DUOX1: variants seen among roughly 807,000 people sequenced by gnomAD.
DUOX1 encodes the protein NADPH thyroid oxidase 1.
A neutral mutation model predicts 181.8 loss-of-function variants in DUOX1; 134 were observed. The observed-to-expected ratio is 0.74, with a 90% confidence interval of 0.64 to 0.85. The LOEUF (loss-of-function observed/expected upper bound fraction) is 0.85. Among genes scored for constraint, DUOX1 ranks in the 40% least tolerant of loss-of-function variants. The pLI, the probability that DUOX1 is intolerant of heterozygous loss-of-function variation, is 0.00. For synonymous variants in DUOX1, 798 were observed against 832.5 expected (o/e 0.96, Z 0.71); for missense variants, 1,814 against 2,064.4 (o/e 0.88, Z 2.35).
intron 27 of DUOX1, among the ~76,000 whole-genome samples, chr15:45,155,063 C>T (rs764707064): frequency 2.6e-5 from 4 of 152,248 alleles, no homozygotes; most frequent in Admixed American, 6.5e-5. Flanking sequence ...GATGAGAGTA[C>T]AGCCTGTCAT....
At position 45,136,315 on chromosome 15, in the gene DUOX1, A is replaced by C. The variant is rs200968175; in HGVS notation, c.865-35A>C. On this transcript the variant is annotated intron_variant, in intron 7 of 33. Transcript: ENST00000389037. ...ACCCTTCCAGGTCCCTCCCCATCCA[A>C]CTCGTGCCTCCCCTCGCCCCTCTCT... The C allele has an allele frequency of 6.5e-5, 105 of 1,611,488 alleles. No homozygotes were observed. In the African/African-American group the frequency reaches 1.3e-3, roughly 20 times the overall value.
intron 27 of DUOX1, among the ~76,000 whole-genome samples, chr15:45,154,391 T>C (rs999756542): frequency 3.3e-5 from 5 of 152,120 alleles, no homozygotes; most frequent in Admixed American, 2.6e-4. Context: ...AGCAGGCTCT[T>C]TGTCAAGCCA....
rs1215163068 is a variant in DUOX1 at position 45,138,943 on chromosome 15, T to A, written c.1114-123T>A. ...TGCAGAAGAGGAATGTCCCACCGGT[T>A]TGGGAGCAAACAGCAGGACTGGGTG... On this transcript the variant is annotated intron_variant, in intron 10 of 33. Coordinates refer to ENST00000389037, the MANE Select transcript of DUOX1 (RefSeq NM_175940.3). The A allele has an allele frequency of 4.7e-6, 4 of 859,972 alleles. No individual in the cohort carries two copies. The African/African-American group carries it at 6.8e-5, about 15-fold the overall frequency. 53.3% of individuals were successfully genotyped at this position (859,972 alleles called of 1,614,324 possible). A position where few individuals can be genotyped will look rare whatever the true frequency, so the allele number is the denominator to read the frequency against.
rs1166693733 is a variant in DUOX1, at chr15:45,161,609, C to T, written c.3857-129C>T. On this transcript the variant is annotated intron_variant, in intron 29 of 33. Transcript: ENST00000389037. ...GCTGCCTGGGCCCCCACAGGGTGAGCTTCTGATGGGGGAGGCCTCCTTTGT... is the reference window on the plus strand; with the variant it reads ...GCTGCCTGGGCCCCCACAGGGTGAGTTTCTGATGGGGGAGGCCTCCTTTGT... 10 of 822,128 alleles carry T rather than the reference C, an allele frequency of 1.2e-5. 1 individual carries two copies. Among genetic ancestry groups the T allele is most frequent in the Middle Eastern group, 3.6e-4 (1 of 2,798 alleles). The allele number at this position is 822,128 out of a possible 1,614,324, so 50.9% of individuals were successfully genotyped here. A position where few individuals can be genotyped will look rare whatever the true frequency, so the allele number is the denominator to read the frequency against.
intron 24 of DUOX1, 87 bp downstream of exon 24, chr15:45,152,139 C>G (rs1896827424): frequency 6.6e-7 from 1 of 1,525,532 alleles, no homozygotes; most frequent in South Asian, 1.2e-5. Flanking sequence ...AAGTGCCAGC[C>G]CTGGGTAGGG....
chr15:45,146,049 A>G (rs1896644787), intron 18 of DUOX1, among the ~76,000 whole-genome samples: 1 of 152,218 alleles, frequency 6.6e-6, no homozygotes, highest in Non-Finnish European at 1.5e-5. Flanking sequence ...GATTCAGGAA[A>G]TCAGCAATCC....
Position 45,150,661 on chromosome 15 carries a change from C to T in DUOX1, c.2848C>T (p.Leu950Phe). 6.2e-7 allele frequency: 1 copy of T among 1,614,070 alleles called. No individual in the cohort carries two copies. Among genetic ancestry groups the T allele is most frequent in the Non-Finnish European group, 8.5e-7 (1 of 1,180,012 alleles). Residue 950 changes from leucine (L) to phenylalanine (F), a missense_variant, in exon 22 of 34, where the codon CTC becomes TTC. Transcript: ENST00000389037. ...GGAGGTGCCTGAAGTCATCAAGGAC[C>T]TCTGCCGGCGAGCCTCCTACATCAG... ...GVEVPEVIKD[L>F]CRRASYISQD...
rs1374684648 is a variant in DUOX1, at chr15:45,148,000, T to C, written c.2642+3T>C. 1 of 1,612,840 alleles carries C rather than the reference T, an allele frequency of 6.2e-7. No individual in the cohort carries two copies. On this transcript the variant is annotated splice_donor_region_variant and intron_variant, in intron 20 of 33. Coordinates refer to ENST00000389037, the MANE Select transcript of DUOX1 (RefSeq NM_175940.3). The stretch of plus-strand genomic sequence containing the variant: ...GATGAGTTCATCAGGATGCTGAGGT[T>C]TGTTCTCTGGGACAGCCAGGAGAAT...
chr15:45,136,724 G>C, intron 9 of DUOX1, 99 bp downstream of exon 9: 1 of 1,108,692 alleles, frequency 9.0e-7, no homozygotes, highest in Non-Finnish European at 1.4e-6. Flanking sequence ...TTATCAGTCT[G>C]AAGTGTCCCC....
At chr15:45,152,871 G>T in intron 25 of DUOX1, 1 of 403,796 alleles carries the variant, frequency 2.5e-6, no homozygotes, top group Non-Finnish European at 4.6e-6. Context: ...TCACATGGTT[G>T]CGCACATGGA....
At position 45,139,420 on chromosome 15, in the gene DUOX1, T is replaced by C. The variant is rs2017615166; in HGVS notation, c.1217-7T>C. The C allele has an allele frequency of 6.2e-7, 1 of 1,612,078 alleles. No individual in the cohort carries two copies. The highest frequency in any genetic ancestry group is 8.5e-7 in the Non-Finnish European group (1 of 1,179,466). On this transcript the variant is annotated splice_polypyrimidine_tract_variant and splice_region_variant and intron_variant, in intron 11 of 33. Transcript: ENST00000389037. ...CTCCCTCAGACTGTCTGGTATCTTG[T>C]CTCCAGATTTCTGGCCTGGGCCACT...
At position 45,163,593 on chromosome 15, in the gene DUOX1, G is replaced by C. The variant is rs1056651251; in HGVS notation, c.4310G>C (p.Arg1437Pro). 1.2e-6 allele frequency: 2 copies of C among 1,614,178 alleles called. No homozygotes were observed. The highest frequency in any genetic ancestry group is 3.3e-4 in the Middle Eastern group (2 of 6,062). The part of the protein sequence containing the change: ...RQFEWLADII[R>P]EVEENDHQDL... ...TTTGAGTGGCTGGCTGACATCATCCGAGAGGTGGAGGAGAATGACCACCAG... is the reference window on the plus strand; with the variant it reads ...TTTGAGTGGCTGGCTGACATCATCCCAGAGGTGGAGGAGAATGACCACCAG... The change falls in exon 32 of 34, where the codon CGA becomes CCA. Residue 1437 changes from arginine to proline, a missense_variant. Coordinates refer to ENST00000389037, the MANE Select transcript of DUOX1 (RefSeq NM_175940.3).
rs774165678 is a variant in DUOX1, at chr15:45,133,889, G to A, written c.84G>A (p.Glu28=). ...PLGAQNPISW[E]VQRFDGWYNN... ...GAGCTCAGAACCCCATTTCGTGGGAGGTGCAGCGATTTGATGGGTGGTACA... is the reference window on the plus strand; with the variant it reads ...GAGCTCAGAACCCCATTTCGTGGGAAGTGCAGCGATTTGATGGGTGGTACA... Residue 28 remains glutamate (E), a synonymous_variant, in exon 3 of 34, where the codon GAG becomes GAA. Coordinates refer to ENST00000389037, the MANE Select transcript of DUOX1 (RefSeq NM_175940.3). 6.2e-7 allele frequency: 1 copy of A among 1,613,940 alleles called. No individual in the cohort carries two copies. Among genetic ancestry groups the A allele is most frequent in the Non-Finnish European group, 8.5e-7 (1 of 1,179,942 alleles).
chr15:45,134,339 C>G, intron 4 of DUOX1, 30 bp downstream of exon 4: 1 of 1,563,262 alleles, frequency 6.4e-7, no homozygotes, highest in Non-Finnish European at 8.6e-7. Flanking sequence ...GGGAAGGAAG[C>G]CGGTGGGGTC....
Position 45,136,394 on chromosome 15 carries a change from A to G in DUOX1, c.909A>G (p.Thr303=). The G allele has an allele frequency of 6.2e-7, 1 of 1,612,518 alleles. No individual in the cohort carries two copies. Among genetic ancestry groups the G allele is most frequent in the Non-Finnish European group, 8.5e-7 (1 of 1,179,806 alleles). ...GGCTGCCCAGCTTCCTGCAGAAAACACTCCCGGAGTATACAGGTGAGGGAG... is the reference window on the plus strand; with the variant it reads ...GGCTGCCCAGCTTCCTGCAGAAAACGCTCCCGGAGTATACAGGTGAGGGAG... ...YEWLPSFLQK[T]LPEYTGYRPF... The change falls in exon 8 of 34, where the codon ACA becomes ACG. Residue 303 remains threonine, a synonymous_variant. Coordinates refer to ENST00000389037, the MANE Select transcript of DUOX1 (RefSeq NM_175940.3).
intron 4 of DUOX1, 146 bp downstream of exon 4, chr15:45,134,455 G>A (rs1296056108): frequency 1.2e-6 from 1 of 853,412 alleles, no homozygotes; most frequent in Non-Finnish European, 1.7e-6. Flanking sequence ...GGTATGGTAG[G>A]GGTAGAAGCA....
chr15:45,148,316 T>C lies in DUOX1; in HGVS notation c.2687T>C (p.Leu896Pro). The C allele has an allele frequency of 1.2e-6, 2 of 1,614,212 alleles. No individual in the cohort carries two copies. Among genetic ancestry groups the C allele is most frequent in the Non-Finnish European group, 1.7e-6 (2 of 1,180,044 alleles). ...ISNNCLSKAQLAEVVESMFRE... is the reference protein window; with the variant it reads ...ISNNCLSKAQPAEVVESMFRE... Reference sequence around the variant, plus strand: ...AACAACTGCCTGTCCAAGGCCCAGCTGGCTGAGGTGGTGGAGTCCATGTTC... The same window carrying C: ...AACAACTGCCTGTCCAAGGCCCAGCCGGCTGAGGTGGTGGAGTCCATGTTC... Residue 896 changes from leucine (L) to proline (P), a missense_variant, in exon 21 of 34, where the codon CTG becomes CCG. Leu to Pro is a moderately conservative substitution (Grantham distance 98). Coordinates refer to ENST00000389037, the MANE Select transcript of DUOX1 (RefSeq NM_175940.3).
intron 1 of DUOX1, 190 bp from the exon 2 acceptor site, chr15:45,131,728 G>A (rs1272946931): frequency 5.3e-6 from 3 of 565,600 alleles, no homozygotes; most frequent in Non-Finnish European, 9.4e-6. Context: ...GTCAGTGGCT[G>A]GTATGTAGTG....
Position 45,165,197 on chromosome 15 carries a change from C to T in DUOX1, c.*296C>T, listed in dbSNP as rs1408472901. 6.3e-6 allele frequency: 3 copies of T among 479,192 alleles called. No individual in the cohort carries two copies. In the Admixed American group the frequency reaches 1.1e-4, roughly 17 times the overall value. The allele number at this position is 479,192 out of a possible 1,614,324, so 29.7% of individuals were successfully genotyped here. ...CTGCTTCCAGACTTCAGAAACAAAT[C>T]TCAGAAGACAAGCTGACCTGACAAG... On this transcript the variant is annotated 3_prime_UTR_variant, in exon 34 of 34. Transcript: ENST00000389037.
Sources: allele counts gnomAD v4.1 joint callset (sites outside exome capture counted in the v4.1 genomes callset), GRCh38; gene constraint gnomAD v4.1.1; transcripts MANE v1.5; gene names NCBI Gene and HGNC (gene_info 2026-07-23, HGNC 2026-07-21).